Variants in MTA3 observed in about 807,000 individuals in gnomAD.
MTA3 encodes the protein metastasis associated 1 family member 3.
Under a neutral mutation model 83.5 loss-of-function variants are expected in MTA3, and 34 were observed. That is an observed-to-expected ratio of 0.41 (90% CI 0.31 to 0.54). MTA3 has a LOEUF of 0.54. Among genes scored for constraint, MTA3 ranks in the 20% least tolerant of loss-of-function variants. MTA3 has a pLI of 0.33. For synonymous variants in MTA3, 303 were observed against 252.7 expected (o/e 1.20, Z -1.89); for missense variants, 761 against 726.4 (o/e 1.05, Z -0.55).
chr2:42,687,434 C>G (rs1174830649), intron 9 of MTA3, among the ~76,000 whole-genome samples: 1 of 152,044 alleles, frequency 6.6e-6, no homozygotes, highest in African/African-American at 2.4e-5. Flanking sequence ...GTGAATGTAC[C>G]ACAATCAGTT....
intron 14 of MTA3, among the ~76,000 whole-genome samples, chr2:42,716,080 A>C (rs545729178): frequency 6.6e-6 from 1 of 152,330 alleles, no homozygotes; most frequent in Non-Finnish European, 1.5e-5. Flanking sequence ...TTACTCTTCC[A>C]CAAGATGTTT....
rs942459704 is a variant in MTA3, at chr2:42,552,770, T to G, written c.-140-17667T>G. ...ATAGAGGCCATCCTGGCCAACATGG[T>G]GAAGCCCCGTCTCTACTAAAAATAC... On this transcript the variant is annotated intron_variant, in intron 2 of 17. Transcript: ENST00000405592. Among the ~76,000 whole-genome samples the G allele has an allele frequency of 8.6e-5, 13 of 151,296 alleles. 1 individual carries two copies. The highest frequency in any genetic ancestry group is 5.9e-4 in the Admixed American group (9 of 15,190).
chr2:42,623,617 C>G (rs1043105356), intron 4 of MTA3, among the ~76,000 whole-genome samples: 4 of 151,334 alleles, frequency 2.6e-5, no homozygotes, highest in African/African-American at 9.7e-5. Flanking sequence ...ATTTTGTTTC[C>G]TTTTCACTGT....
intron 2 of MTA3, among the ~76,000 whole-genome samples, chr2:42,549,045 A>G (rs1019190413): frequency 2.2e-5 from 3 of 136,574 alleles, no homozygotes; most frequent in Admixed American, 8.5e-5. Context: ...GTGGTCGTGC[A>G]TGCCTGTAAT....
chr2:42,653,680 T>C (rs938277344), intron 6 of MTA3, among the ~76,000 whole-genome samples: 1 of 152,210 alleles, frequency 6.6e-6, no homozygotes, highest in Admixed American at 6.5e-5. Flanking sequence ...TATTATTGTT[T>C]ACAGTGAATT....
At chr2:42,630,088 A>G (rs1004056910) in intron 4 of MTA3, among the ~76,000 whole-genome samples, 2 of 152,196 alleles carry the variant, frequency 1.3e-5, no homozygotes, top group Admixed American at 6.5e-5. Context: ...AAACAATTTA[A>G]GCGATCCTTA....
intron 3 of MTA3, among the ~76,000 whole-genome samples, chr2:42,583,748 C>G (rs1480416338): frequency 2.6e-5 from 4 of 151,678 alleles, no homozygotes; most frequent in Admixed American, 2.0e-4. Context: ...AGGCTGGTCT[C>G]CAACTCCTGG....
chr2:42,649,016 C>G (rs1364371761), intron 6 of MTA3, among the ~76,000 whole-genome samples: 1 of 152,094 alleles, frequency 6.6e-6, no homozygotes, highest in African/African-American at 2.4e-5. Flanking sequence ...TTGCGATGAG[C>G]AAATGAGGTA....
intron 2 of MTA3, among the ~76,000 whole-genome samples, chr2:42,536,300 C>A (rs1676231029): frequency 6.6e-6 from 1 of 151,648 alleles, no homozygotes; most frequent in African/African-American, 2.4e-5. Context: ...ATGAAGAAAC[C>A]CCGTCTCTAA....
At chr2:42,528,380 C>T (rs376011821) in intron 2 of MTA3, among the ~76,000 whole-genome samples, 18 of 152,044 alleles carry the variant, frequency 1.2e-4, no homozygotes, top group African/African-American at 3.9e-4. Context: ...CCACCACACC[C>T]GGCTAATTTT....
At chr2:42,614,377 G>C (rs538745840) in intron 4 of MTA3, among the ~76,000 whole-genome samples, 3 of 152,300 alleles carry the variant, frequency 2.0e-5, no homozygotes, top group East Asian at 3.9e-4. Flanking sequence ...GATTACAGGC[G>C]TGAGCCACTG....
chr2:42,753,488 C>G lies in MTA3; in HGVS notation c.*89C>G. On this transcript the variant is annotated 3_prime_UTR_variant, in exon 17 of 17. Transcript: ENST00000405094. ...TGCCTGGGAAGAAGGCAGCCCCACT[C>G]CCAGTACATTTCAGTGGGAGACCTC... 1 of 1,545,494 alleles carries G rather than the reference C, an allele frequency of 6.5e-7. No individual in the cohort carries two copies. Among genetic ancestry groups the G allele is most frequent in the Admixed American group, 2.0e-5 (1 of 50,672 alleles).
At chr2:42,576,199 A>G (rs1423576178) in intron 2 of MTA3, among the ~76,000 whole-genome samples, 3 of 152,228 alleles carry the variant, frequency 2.0e-5, no homozygotes, top group Admixed American at 6.5e-5. Flanking sequence ...ACACCCGGAA[A>G]GACAAGTTGA....
chr2:42,526,911 G>A (rs1239740408), intron 2 of MTA3, among the ~76,000 whole-genome samples: 9 of 151,914 alleles, frequency 5.9e-5, no homozygotes, highest in Non-Finnish European at 2.9e-5. Context: ...AAAATTAGCT[G>A]AGTGTGGTGA....
intron 2 of MTA3, among the ~76,000 whole-genome samples, chr2:42,543,312 G>T (rs1249371648): frequency 6.6e-6 from 1 of 151,886 alleles, no homozygotes; most frequent in East Asian, 1.9e-4. Flanking sequence ...TGAGTAGCTG[G>T]GATTACAGGT....
chr2:42,497,360 G>A (rs1033075626), intron 2 of MTA3, among the ~76,000 whole-genome samples: 28 of 152,092 alleles, frequency 1.8e-4, no homozygotes, highest in Non-Finnish European at 2.9e-4. Flanking sequence ...GCCGAGGCAG[G>A]TGGATCATGA....
At chr2:42,725,223 A>G (rs1005518816) in intron 16 of MTA3, among the ~76,000 whole-genome samples, 3 of 152,244 alleles carry the variant, frequency 2.0e-5, no homozygotes, top group African/African-American at 7.2e-5. Context: ...GGCATGTAGT[A>G]GGTACTCAAT....
intron 8 of MTA3, among the ~76,000 whole-genome samples, chr2:42,671,781 T>C (rs1436785914): frequency 6.6e-6 from 1 of 152,202 alleles, no homozygotes; most frequent in Admixed American, 6.5e-5. Flanking sequence ...ACCAATTGTT[T>C]CCATGTCTTG....
intron 2 of MTA3, among the ~76,000 whole-genome samples, chr2:42,510,817 C>G (rs561412655): frequency 6.6e-6 from 1 of 152,146 alleles, no homozygotes; most frequent in Non-Finnish European, 1.5e-5. Context: ...GGGATGCCCC[C>G]ACTCTGACCC....
Sources: gnomAD v4.1 joint callset for allele counts (sites outside exome capture counted in the v4.1 genomes callset) on GRCh38, gnomAD v4.1.1 for gene constraint, MANE v1.5 for transcripts, NCBI Gene and HGNC (gene_info 2026-07-23, HGNC 2026-07-21) for gene names.